THSD7B: variants seen among roughly 807,000 people sequenced by gnomAD.
THSD7B encodes thrombospondin type-1 domain-containing protein 7B.
In THSD7B, 138 loss-of-function variants were observed where a neutral mutation model predicts 213.6. The ratio of observed to expected loss-of-function variants is 0.65; its 90% CI spans 0.56 to 0.74. THSD7B has a LOEUF of 0.74. THSD7B is among the 30% of genes least tolerant of loss of function. The pLI is 0.00. For synonymous variants in THSD7B, 742 were observed against 687.0 expected (o/e 1.08, Z -1.25); for missense variants, 1,931 against 1,991.5 (o/e 0.97, Z 0.58).
At chr2:137,541,009 C>T (rs916377768) in intron 15 of THSD7B, among the ~76,000 whole-genome samples, 1 of 151,678 alleles carries the variant, frequency 6.6e-6, no homozygotes, top group African/African-American at 2.4e-5. Flanking sequence ...TTTAAATTGC[C>T]TGGCTAGATG....
At position 137,249,223 on chromosome 2, in the gene THSD7B, A is replaced by G. The variant is rs150111114; in HGVS notation, c.2266+6651A>G. ...AAAAGTTCATGGATAAAATTCTCTC[A>G]ATTAAATATTATTTTATTTTTTCCT... is the stretch of plus-strand genomic sequence containing the variant. On this transcript the variant is annotated intron_variant, in intron 10 of 27. Transcript: ENST00000409968. Among the ~76,000 whole-genome samples, 437 of 152,184 alleles carry G rather than the reference A, an allele frequency of 2.9e-3. 2 individuals carry two copies. Among genetic ancestry groups the G allele is most frequent in the African/African-American group, 9.6e-3 (397 of 41,544 alleles).
intron 17 of THSD7B, among the ~76,000 whole-genome samples, chr2:137,600,595 G>A (rs2104822811): frequency 6.6e-6 from 1 of 152,168 alleles, no homozygotes; most frequent in South Asian, 2.1e-4. Context: ...AAAATTAGCT[G>A]GGTGTAGTGG....
chr2:137,159,759 C>T (rs577885170), intron 5 of THSD7B, among the ~76,000 whole-genome samples: 8 of 152,290 alleles, frequency 5.3e-5, no homozygotes, highest in Admixed American at 2.6e-4. Flanking sequence ...CCAGCTCCCT[C>T]GCTCAGGGGA....
intron 15 of THSD7B, among the ~76,000 whole-genome samples, chr2:137,544,011 G>A (rs1273999096): frequency 6.6e-6 from 1 of 151,726 alleles, no homozygotes; most frequent in Non-Finnish European, 1.5e-5. Context: ...ATGTATTGTT[G>A]GTGAGAACCT....
intron 14 of THSD7B, among the ~76,000 whole-genome samples, chr2:137,432,591 T>G (rs142544863): frequency 6.6e-6 from 1 of 152,302 alleles, no homozygotes; most frequent in East Asian, 1.9e-4. Context: ...ATGTTTCCAT[T>G]TGGCCACTAA....
At chr2:137,462,729 CTGT>C (rs1687908565) in intron 15 of THSD7B, among the ~76,000 whole-genome samples, 1 of 151,170 alleles carries the variant, frequency 6.6e-6, no homozygotes, top group African/African-American at 2.5e-5. Context: ...ACAAGATTGG[CTGT>C]TGTGGTATTG....
At chr2:136,946,920 C>T (rs1161895524) in intron 2 of THSD7B, among the ~76,000 whole-genome samples, 1 of 152,022 alleles carries the variant, frequency 6.6e-6, no homozygotes, top group African/African-American at 2.4e-5. Flanking sequence ...AAGGGAAATC[C>T]CCCAACCCCT....
intron 15 of THSD7B, among the ~76,000 whole-genome samples, chr2:137,546,373 TA>T (rs1436173215): frequency 1.8e-5 from 1 of 55,018 alleles, no homozygotes; most frequent in Non-Finnish European, 3.1e-5. Flanking sequence ...TATATATATA[TA>T]TAATATATAT....
intron 12 of THSD7B, among the ~76,000 whole-genome samples, chr2:137,283,645 T>C (rs868206081): frequency 6.6e-6 from 1 of 152,238 alleles, no homozygotes; most frequent in African/African-American, 2.4e-5. Context: ...TTTCTGCATC[T>C]GTTGAGATAA....
chr2:137,316,332 C>G (rs1684098067), intron 12 of THSD7B, among the ~76,000 whole-genome samples: 1 of 152,232 alleles, frequency 6.6e-6, no homozygotes, highest in Admixed American at 6.5e-5. Flanking sequence ...AAAATAACCT[C>G]TGAAGCTTAA....
intron 12 of THSD7B, among the ~76,000 whole-genome samples, chr2:137,327,926 A>G (rs556538775): frequency 1.2e-4 from 18 of 152,328 alleles, no homozygotes; most frequent in African/African-American, 4.3e-4. Context: ...TTCAAAAAGC[A>G]GATAGTCCAA....
At chr2:137,567,489 G>A (rs1197551658) in intron 16 of THSD7B, among the ~76,000 whole-genome samples, 1 of 152,140 alleles carries the variant, frequency 6.6e-6, no homozygotes, top group Non-Finnish European at 1.5e-5. Flanking sequence ...TCAGAGTGTA[G>A]TGTAGAACAG....
intron 1 of THSD7B, among the ~76,000 whole-genome samples, chr2:136,777,886 G>A (rs1310458467): frequency 6.6e-6 from 1 of 152,146 alleles, no homozygotes; most frequent in Non-Finnish European, 1.5e-5. Flanking sequence ...GGGCATGAGG[G>A]GAGATGTTGC....
At chr2:137,617,430 C>A (rs1330234901) in intron 18 of THSD7B, among the ~76,000 whole-genome samples, 2 of 152,146 alleles carry the variant, frequency 1.3e-5, no homozygotes, top group African/African-American at 4.8e-5. Context: ...TCTAATTCTT[C>A]ACCATCTAGT....
At chr2:137,258,154 G>T (rs1281625338) in intron 10 of THSD7B, among the ~76,000 whole-genome samples, 1 of 152,122 alleles carries the variant, frequency 6.6e-6, no homozygotes, top group Non-Finnish European at 1.5e-5. Context: ...GTCATTTGGG[G>T]AAGAGAAATG....
intron 1 of THSD7B, among the ~76,000 whole-genome samples, chr2:136,811,763 G>A (rs1344071529): frequency 6.6e-6 from 1 of 152,106 alleles, no homozygotes; most frequent in Admixed American, 6.6e-5. Flanking sequence ...CAAGACGTAT[G>A]ATTTCTGGGT....
intron 7 of THSD7B, among the ~76,000 whole-genome samples, chr2:137,217,839 A>T (rs1013861017): frequency 6.6e-6 from 1 of 152,112 alleles, no homozygotes; most frequent in African/African-American, 2.4e-5. Flanking sequence ...TTCTTTGGCC[A>T]AGGAGGTGAT....
At chr2:136,845,256 A>T (rs1682988465) in intron 1 of THSD7B, among the ~76,000 whole-genome samples, 1 of 152,206 alleles carries the variant, frequency 6.6e-6, no homozygotes, top group Non-Finnish European at 1.5e-5. Flanking sequence ...GTAGCGGTAA[A>T]GGGAGGCTTC....
In THSD7B at chr2:136,990,817, GTGT is replaced by G. The variant is rs1460654772; in HGVS notation, c.140-65601_140-65599del. 5.8e-5 allele frequency: 69 copies of G among 1,184,452 alleles called. 1 individual carries two copies. The highest frequency in any genetic ancestry group is 7.4e-5 in the Non-Finnish European group (65 of 878,842). The allele number at this position is 1,184,452 out of a possible 1,614,324, so 73.4% of individuals were successfully genotyped here. On this transcript the variant is annotated intron_variant, in intron 2 of 27. Transcript: ENST00000409968. ...GACACGCCACAGTGCCTGGCCGATG[GTGT>G]TTCTTCTGAGTACTGAGCATTTTCA...
Sources: gnomAD v4.1 joint callset for allele counts (sites outside exome capture counted in the v4.1 genomes callset) on GRCh38, gnomAD v4.1.1 for gene constraint, MANE v1.5 for transcripts, NCBI Gene and HGNC (gene_info 2026-07-23, HGNC 2026-07-21) for gene names.